The following CCDC178 variants were observed in gnomAD, a reference collection of about 807,000 sequenced individuals.
CCDC178 encodes the protein coiled-coil domain containing 178.
Under a neutral mutation model 117.4 loss-of-function variants are expected in CCDC178, and 126 were observed. The observed-to-expected ratio is 1.07, with a 90% CI of 0.93 to 1.24. The LOEUF (loss-of-function observed/expected upper bound fraction) is 1.24, where lower values mean the gene tolerates loss of function less well. CCDC178 is among the 50% of genes most tolerant of loss of function. CCDC178 has a pLI of 0.00. For missense variants in CCDC178, 1,030 were observed against 986.9 expected, an observed-to-expected ratio of 1.04 and a Z score of -0.59; for synonymous variants, 283 against 313.4, an observed-to-expected ratio of 0.90 and a Z score of 1.02.
intron 21 of CCDC178, among the ~76,000 whole-genome samples, chr18:33,045,193 A>C (rs1420180976): frequency 6.6e-6 from 1 of 152,196 alleles, no homozygotes; most frequent in Non-Finnish European, 1.5e-5. Context: ...AAAAGATAAA[A>C]AAGTCAATAA....
At chr18:33,129,165 A>C (rs1010230856) in intron 20 of CCDC178, among the ~76,000 whole-genome samples, 23 of 152,054 alleles carry the variant, frequency 1.5e-4, no homozygotes, top group Non-Finnish European at 7.4e-5. Flanking sequence ...AATACATGAA[A>C]CTTTTGAGTT....
intron 20 of CCDC178, among the ~76,000 whole-genome samples, chr18:33,104,899 T>TAA (rs1352444361): frequency 6.6e-6 from 1 of 151,732 alleles, no homozygotes; most frequent in Non-Finnish European, 1.5e-5. Flanking sequence ...TAGGGAAGTG[T>TAA]AAGTGTGCCA....
In CCDC178 at chr18:33,051,981, T is replaced by A. The variant is rs142827382; in HGVS notation, c.2388+40780A>T. Among the ~76,000 whole-genome samples, 631 of 152,294 alleles carry A rather than the reference T, an allele frequency of 4.1e-3. 1 individual carries two copies. The highest frequency in any genetic ancestry group is 0.024 in the Middle Eastern group (7 of 294). On this transcript the variant is annotated intron_variant, in intron 21 of 22. Transcript: ENST00000383096. Reference sequence around the variant, plus strand: ...AGGCAATATTACCAGAATTAAACAATCTGAATTAGCTTTTTCATGAAATGT... The same window carrying A: ...AGGCAATATTACCAGAATTAAACAAACTGAATTAGCTTTTTCATGAAATGT...
At chr18:32,951,839 G>A (rs189474070) in intron 22 of CCDC178, among the ~76,000 whole-genome samples, 117 of 152,288 alleles carry the variant, frequency 7.7e-4, no homozygotes, top group Non-Finnish European at 1.4e-3. Flanking sequence ...TACAATGGGG[G>A]TACAGGCATT....
At chr18:33,328,217 C>T in intron 10 of CCDC178, 1 of 252,526 alleles carries the variant, frequency 4.0e-6, no homozygotes, top group Non-Finnish European at 7.6e-6. Flanking sequence ...ATTCTTCTGC[C>T]TCCACCTTCT....
intron 21 of CCDC178, among the ~76,000 whole-genome samples, chr18:33,048,254 C>A (rs1006364037): frequency 1.3e-5 from 2 of 152,130 alleles, no homozygotes; most frequent in African/African-American, 4.8e-5. Flanking sequence ...AAGCAATAAA[C>A]TTCTGATTTT....
chr18:33,375,776 G>T (rs144547206), intron 5 of CCDC178, among the ~76,000 whole-genome samples: 2 of 152,094 alleles, frequency 1.3e-5, no homozygotes, highest in Non-Finnish European at 2.9e-5. Context: ...GAAATGATTT[G>T]AAAAGTAAAA....
chr18:33,327,337 A>G (rs1236693734), intron 10 of CCDC178, among the ~76,000 whole-genome samples: 1 of 152,046 alleles, frequency 6.6e-6, no homozygotes, highest in Non-Finnish European at 1.5e-5. Flanking sequence ...CATTTTGTTT[A>G]TCTCAGTAAA....
At chr18:33,212,977 C>G (rs566900589) in intron 19 of CCDC178, among the ~76,000 whole-genome samples, 2 of 151,890 alleles carry the variant, frequency 1.3e-5, no homozygotes, top group East Asian at 1.9e-4. Flanking sequence ...TCTACCGATA[C>G]AGAAAATTAA....
chr18:33,076,582 T>G (rs981913847), intron 21 of CCDC178, among the ~76,000 whole-genome samples: 1 of 152,240 alleles, frequency 6.6e-6, no homozygotes, highest in African/African-American at 2.4e-5. Flanking sequence ...ACTCCACACT[T>G]TGTGTGATAT....
intron 21 of CCDC178, among the ~76,000 whole-genome samples, chr18:33,023,296 C>G (rs1473366340): frequency 6.6e-6 from 1 of 152,002 alleles, no homozygotes; most frequent in East Asian, 1.9e-4. Context: ...GTTTAAGTAC[C>G]CATGGAACAT....
At chr18:32,954,438 A>G (rs898430591) in intron 22 of CCDC178, 1 of 152,180 alleles carries the variant, frequency 6.6e-6, no homozygotes, top group African/African-American at 2.4e-5. Flanking sequence ...TGTATTTCAA[A>G]TAATATGCAT....
intron 20 of CCDC178, among the ~76,000 whole-genome samples, chr18:33,160,194 T>C (rs1006755310): frequency 3.3e-5 from 5 of 152,124 alleles, no homozygotes; most frequent in African/African-American, 1.2e-4. Context: ...ATTCCAAAGA[T>C]CTAATTCTGG....
intron 20 of CCDC178, among the ~76,000 whole-genome samples, chr18:33,167,338 A>G (rs1341651081): frequency 6.6e-6 from 1 of 152,166 alleles, no homozygotes; most frequent in East Asian, 1.9e-4. Context: ...AGAAATTGCC[A>G]AACTGCTTTC....
chr18:32,965,317 C>A (rs1282257306), intron 22 of CCDC178, among the ~76,000 whole-genome samples: 1 of 151,792 alleles, frequency 6.6e-6, no homozygotes, highest in African/African-American at 2.4e-5. Flanking sequence ...GAAATATAGA[C>A]TACTGAAATA....
rs1277657873 is a variant in CCDC178 at position 33,259,556 on chromosome 18, G to A, written c.1409+7360C>T. ...AACAGGAGAGAGAGAGAGTGAAGGC[G>A]GAAATGCCACACACTTTCAAAGAAT... On this transcript the variant is annotated intron_variant, in intron 14 of 22. Coordinates refer to ENST00000383096, the MANE Select transcript of CCDC178 (RefSeq NM_001105528.4). Among the ~76,000 whole-genome samples the A allele has an allele frequency of 3.9e-5, 6 of 152,110 alleles. No individual in the cohort carries two copies. In the South Asian group the frequency reaches 6.2e-4, roughly 16 times the overall value.
At chr18:33,385,512 C>T (rs1476787035) in intron 5 of CCDC178, among the ~76,000 whole-genome samples, 1 of 152,154 alleles carries the variant, frequency 6.6e-6, no homozygotes, top group Non-Finnish European at 1.5e-5. Context: ...AACAAACACT[C>T]TCTCAGACCA....
chr18:33,012,455 G>T (rs2055890343), intron 21 of CCDC178, among the ~76,000 whole-genome samples: 1 of 152,046 alleles, frequency 6.6e-6, no homozygotes, highest in Non-Finnish European at 1.5e-5. Flanking sequence ...TATGATTTTT[G>T]CCAGCTATTA....
chr18:33,372,207 T>C (rs927872040), intron 5 of CCDC178, among the ~76,000 whole-genome samples: 4 of 152,228 alleles, frequency 2.6e-5, no homozygotes, highest in South Asian at 2.1e-4. Context: ...TAGCACAAGA[T>C]TGAACCAAAA....
Sources: gnomAD v4.1 joint callset for allele counts (sites outside exome capture counted in the v4.1 genomes callset) on GRCh38, gnomAD v4.1.1 for gene constraint, MANE v1.5 for transcripts, NCBI Gene and HGNC (gene_info 2026-07-23, HGNC 2026-07-21) for gene names.